The following SLC26A7 variants were observed in gnomAD, a reference collection of about 807,000 sequenced individuals.
SLC26A7 encodes the protein anion exchange transporter.
In SLC26A7, 59 loss-of-function variants were observed where a neutral mutation model predicts 82.5. The ratio of observed to expected loss-of-function variants is 0.72; its 90% CI spans 0.58 to 0.89. The LOEUF is 0.89. Among genes scored for constraint, SLC26A7 ranks in the 40% least tolerant of loss-of-function variants. The probability of loss-of-function intolerance (pLI) is 0.00; values close to 1 mark genes in which losing one functional copy is unlikely to be tolerated. For synonymous variants in SLC26A7, 271 were observed against 274.3 expected (o/e 0.99, Z 0.12); for missense variants, 820 against 793.0 (o/e 1.03, Z -0.41).
At chr8:91,346,506 A>T (rs546736245) in intron 9 of SLC26A7, among the ~76,000 whole-genome samples, 12 of 152,320 alleles carry the variant, frequency 7.9e-5, no homozygotes, top group African/African-American at 2.9e-4. Context: ...ATTGATGTAG[A>T]TGATAAACAA....
At chr8:91,231,781 G>A (rs1810313972) in intron 2 of SLC26A7, among the ~76,000 whole-genome samples, 1 of 152,070 alleles carries the variant, frequency 6.6e-6, no homozygotes, top group Admixed American at 6.6e-5. Context: ...GTGTATGTGT[G>A]TATGTGTGTG....
chr8:91,371,602 A>G (rs909449325), intron 15 of SLC26A7, among the ~76,000 whole-genome samples: 2 of 151,936 alleles, frequency 1.3e-5, no homozygotes, highest in African/African-American at 4.8e-5. Context: ...GTAATATTCC[A>G]TCGTGTATAT....
intron 2 of SLC26A7, among the ~76,000 whole-genome samples, chr8:91,251,363 A>G (rs560387780): frequency 3.9e-4 from 60 of 152,204 alleles, no homozygotes; most frequent in Non-Finnish European, 3.2e-4. Context: ...GATGAGAAGC[A>G]CAACACATAC....
At chr8:91,361,261 TAAC>T (rs1356091678) in intron 11 of SLC26A7, among the ~76,000 whole-genome samples, 1 of 152,006 alleles carries the variant, frequency 6.6e-6, no homozygotes, top group Non-Finnish European at 1.5e-5. Flanking sequence ...AAAACAACAA[TAAC>T]AACAAAAAGA....
intron 1 of SLC26A7, among the ~76,000 whole-genome samples, chr8:91,218,732 G>T (rs1256950170): frequency 6.6e-6 from 1 of 152,108 alleles, no homozygotes; most frequent in East Asian, 1.9e-4. Context: ...AGTTAAGTTT[G>T]TGTTTTTATG....
chr8:91,380,824 G>A (rs896507879), intron 15 of SLC26A7, among the ~76,000 whole-genome samples: 2 of 152,132 alleles, frequency 1.3e-5, no homozygotes, highest in African/African-American at 4.8e-5. Context: ...GTGCAGCCAA[G>A]TACACACACA....
At chr8:91,289,319 C>T (rs1340235531) in intron 3 of SLC26A7, 73 bp downstream of exon 3, 5 of 1,168,254 alleles carry the variant, frequency 4.3e-6, no homozygotes, top group Non-Finnish European at 5.1e-6. Context: ...GATTACATCT[C>T]CTTAGCAGTG....
chr8:91,268,855 T>C (rs1811186637), intron 2 of SLC26A7, among the ~76,000 whole-genome samples: 1 of 151,740 alleles, frequency 6.6e-6, no homozygotes, highest in Admixed American at 6.6e-5. Context: ...ATTATAGATT[T>C]TTTTGTGGTT....
At chr8:91,241,735 G>C (rs1355440352) in intron 2 of SLC26A7, among the ~76,000 whole-genome samples, 1 of 152,134 alleles carries the variant, frequency 6.6e-6, no homozygotes, top group Non-Finnish European at 1.5e-5. Flanking sequence ...TTGCAAGGAA[G>C]AGGGAACCCT....
At chr8:91,288,520 G>C (rs1811772146) in intron 2 of SLC26A7, among the ~76,000 whole-genome samples, 1 of 152,134 alleles carries the variant, frequency 6.6e-6, no homozygotes, top group Non-Finnish European at 1.5e-5. Flanking sequence ...CCTTGAGTAA[G>C]AAAAGTTGAT....
intron 9 of SLC26A7, among the ~76,000 whole-genome samples, chr8:91,345,819 C>T (rs1028451245): frequency 2.0e-5 from 3 of 152,138 alleles, no homozygotes; most frequent in Non-Finnish European, 4.4e-5. Context: ...TTGCTATTTT[C>T]GTAATAATCA....
exon 2 of SLC26A7, chr8:91,218,968 G>A (rs1463257946): frequency 1.3e-6 from 2 of 1,550,676 alleles, no homozygotes; most frequent in Non-Finnish European, 1.7e-6. Context: ...TACTCAACGT[G>A]ACCCTAACCT....
At chr8:91,224,283 AT>A (rs1269096895) in intron 2 of SLC26A7, among the ~76,000 whole-genome samples, 6 of 151,882 alleles carry the variant, frequency 4.0e-5, no homozygotes, top group Admixed American at 2.0e-4. Context: ...GGTTTTCAGC[AT>A]TTTTTCATCA....
At chr8:91,312,611 C>T (rs549873402) in intron 4 of SLC26A7, among the ~76,000 whole-genome samples, 1 of 148,118 alleles carries the variant, frequency 6.8e-6, no homozygotes, top group African/African-American at 2.5e-5. Context: ...CTTGCCAAAA[C>T]TTATTTTCTG....
chr8:91,365,110 C>A (rs1416056083), intron 13 of SLC26A7, among the ~76,000 whole-genome samples: 2 of 152,042 alleles, frequency 1.3e-5, no homozygotes, highest in African/African-American at 4.8e-5. Flanking sequence ...AATTCAACCC[C>A]ACTGATAATT....
intron 9 of SLC26A7, among the ~76,000 whole-genome samples, chr8:91,347,850 A>T (rs928192220): frequency 6.6e-6 from 1 of 152,230 alleles, no homozygotes; most frequent in Non-Finnish European, 1.5e-5. Flanking sequence ...GGGAATAAGA[A>T]ATTTGTGGCA....
At chr8:91,281,210 C>G (rs1179501712) in intron 2 of SLC26A7, among the ~76,000 whole-genome samples, 1 of 152,132 alleles carries the variant, frequency 6.6e-6, no homozygotes, top group Non-Finnish European at 1.5e-5. Flanking sequence ...ACCAGTAGCC[C>G]TCTTTTTGGA....
chr8:91,227,048 A>G (rs1181934192), intron 2 of SLC26A7, among the ~76,000 whole-genome samples: 1 of 152,232 alleles, frequency 6.6e-6, no homozygotes, highest in Non-Finnish European at 1.5e-5. Context: ...ATCACTGATT[A>G]ATTAAATTAG....
At chr8:91,340,863 A>G (rs2130841492) in intron 8 of SLC26A7, among the ~76,000 whole-genome samples, 1 of 152,348 alleles carries the variant, frequency 6.6e-6, no homozygotes, top group Non-Finnish European at 1.5e-5. Flanking sequence ...ATTTCTAAGT[A>G]CAAATAACAT....
Sources: allele counts gnomAD v4.1 joint callset (sites outside exome capture counted in the v4.1 genomes callset), GRCh38; gene constraint gnomAD v4.1.1; transcripts MANE v1.5; gene names NCBI Gene and HGNC (gene_info 2026-07-23, HGNC 2026-07-21).